The following RBFOX1 variants were observed in gnomAD, a reference collection of about 807,000 sequenced individuals.
The protein encoded by RBFOX1 is RNA binding fox-1 homolog 1.
RBFOX1 carries 8 observed loss-of-function variants against 57.7 expected under a neutral mutation model. That is an observed-to-expected ratio of 0.14 (90% CI 0.08 to 0.25). The LOEUF is 0.25. RBFOX1 is among the 10% of genes least tolerant of loss of function. The pLI, the probability that RBFOX1 is intolerant of heterozygous loss-of-function variation, is 1.00. For missense variants in RBFOX1, 611 were observed against 548.5 expected, an observed-to-expected ratio of 1.11 and a Z score of -1.14; for synonymous variants, 326 against 222.4, an observed-to-expected ratio of 1.47 and a Z score of -4.15.
intron 3 of RBFOX1, among the ~76,000 whole-genome samples, chr16:6,872,343 G>T (rs1002652778): frequency 2.6e-5 from 4 of 151,962 alleles, no homozygotes; most frequent in African/African-American, 9.7e-5. Flanking sequence ...CCTTCTCTCT[G>T]TTTCTCTCTT....
chr16:6,431,003 T>A (rs2094065511), intron 2 of RBFOX1, among the ~76,000 whole-genome samples: 1 of 150,292 alleles, frequency 6.7e-6, no homozygotes, highest in African/African-American at 2.4e-5. Flanking sequence ...CCAGGTGTGT[T>A]GCTGTGCACC....
At chr16:6,747,258 A>G (rs1255356288) in intron 3 of RBFOX1, among the ~76,000 whole-genome samples, 5 of 152,110 alleles carry the variant, frequency 3.3e-5, no homozygotes, top group African/African-American at 2.4e-5. Flanking sequence ...AAAATATACA[A>G]ATTAGCCTGG....
At chr16:7,567,815 A>G (rs139980255) in intron 5 of RBFOX1, among the ~76,000 whole-genome samples, 62 of 148,080 alleles carry the variant, frequency 4.2e-4, no homozygotes, top group South Asian at 1.5e-3. Context: ...ATCCCCATAT[A>G]TATACCTATA....
chr16:6,366,145 C>G (rs2089575240), intron 2 of RBFOX1, among the ~76,000 whole-genome samples: 1 of 149,808 alleles, frequency 6.7e-6, no homozygotes, highest in Non-Finnish European at 1.5e-5. Context: ...GTATCTATGT[C>G]TGTATCTAGA....
intron 3 of RBFOX1, among the ~76,000 whole-genome samples, chr16:6,793,517 C>T (rs377523245): frequency 3.3e-5 from 5 of 152,192 alleles, no homozygotes; most frequent in East Asian, 3.9e-4. Flanking sequence ...TGGCCATTTC[C>T]AAACATTTCT....
intron 1 of RBFOX1, among the ~76,000 whole-genome samples, chr16:5,272,295 G>A (rs1324748845): frequency 2.0e-5 from 3 of 152,132 alleles, no homozygotes; most frequent in Non-Finnish European, 2.9e-5. Flanking sequence ...ATTCCACATT[G>A]TATACAGATA....
intron 4 of RBFOX1, among the ~76,000 whole-genome samples, chr16:7,194,030 G>A (rs896317524): frequency 8.6e-5 from 13 of 152,034 alleles, no homozygotes; most frequent in Non-Finnish European, 1.6e-4. Flanking sequence ...GGATTTAGAC[G>A]GGTATACATG....
chr16:5,330,971 G>C (rs1189906332), intron 1 of RBFOX1, among the ~76,000 whole-genome samples: 1 of 79,094 alleles, frequency 1.3e-5, no homozygotes, highest in African/African-American at 3.1e-5. Context: ...CAAATACCCA[G>C]GCTCTCTGGT....
In RBFOX1 at chr16:6,807,907, TGTG is replaced by T. The variant is rs766670296; in HGVS notation, c.-16+153258_-16+153260del. ...TTGAATATATATTATTGTGTGTGTG[TGTG>T]TGTGTATATATATATAGGGTATAAT... On this transcript the variant is annotated intron_variant, in intron 3 of 15. Coordinates refer to ENST00000550418, the MANE Select transcript of RBFOX1 (RefSeq NM_018723.4). 6.3e-3 allele frequency among the ~76,000 whole-genome samples: 942 copies of T among 150,374 alleles called. 12 individuals carry two copies. Among genetic ancestry groups the T allele is most frequent in the African/African-American group, 0.021 (852 of 40,292 alleles).
At chr16:5,523,068 A>G (rs1313811970) in intron 2 of RBFOX1, among the ~76,000 whole-genome samples, 1 of 152,154 alleles carries the variant, frequency 6.6e-6, no homozygotes, top group African/African-American at 2.4e-5. Flanking sequence ...TGGGTGGATC[A>G]CAAGGTCAGG....
chr16:5,241,988 G>T (rs1049601671), intron 1 of RBFOX1, among the ~76,000 whole-genome samples: 14 of 152,050 alleles, frequency 9.2e-5, no homozygotes, highest in African/African-American at 3.4e-4. Flanking sequence ...GGTGGTGTGT[G>T]CCTGCAGTCC....
intron 3 of RBFOX1, among the ~76,000 whole-genome samples, chr16:6,963,615 A>G (rs1472143622): frequency 6.6e-6 from 1 of 152,158 alleles, no homozygotes; most frequent in Non-Finnish European, 1.5e-5. Context: ...AACTGTGGGG[A>G]TAGTAAAAAG....
chr16:7,141,436 T>C (rs1262910587), intron 4 of RBFOX1, among the ~76,000 whole-genome samples: 6 of 152,156 alleles, frequency 3.9e-5, no homozygotes, highest in Non-Finnish European at 1.5e-5. Flanking sequence ...TGATTGTTAA[T>C]CCAAGTTCTC....
At chr16:7,000,071 A>G (rs188818480) in intron 3 of RBFOX1, among the ~76,000 whole-genome samples, 1,409 of 104,682 alleles carry the variant, frequency 0.013, 9 homozygotes, top group Non-Finnish European at 0.021. Context: ...CTCTGTTTCA[A>G]AGAAAAAAAA....
intron 1 of RBFOX1, among the ~76,000 whole-genome samples, chr16:5,385,117 A>C (rs2066224427): frequency 6.6e-6 from 1 of 152,204 alleles, no homozygotes; most frequent in African/African-American, 2.4e-5. Context: ...TATTGTGGCA[A>C]ATATGTATTA....
At chr16:6,690,514 T>C (rs1311958496) in intron 3 of RBFOX1, among the ~76,000 whole-genome samples, 1 of 151,936 alleles carries the variant, frequency 6.6e-6, no homozygotes, top group African/African-American at 2.4e-5. Flanking sequence ...AAAAAAATAG[T>C]ATATAAGTAA....
intron 2 of RBFOX1, among the ~76,000 whole-genome samples, chr16:5,469,646 C>A (rs968524456): frequency 1.3e-5 from 2 of 152,116 alleles, no homozygotes; most frequent in African/African-American, 4.8e-5. Context: ...GACCCTGCGA[C>A]CATTAAGCAG....
intron 4 of RBFOX1, among the ~76,000 whole-genome samples, chr16:5,959,670 G>A (rs2059711538): frequency 6.6e-6 from 1 of 152,176 alleles, no homozygotes; most frequent in South Asian, 2.1e-4. Context: ...GTTTTCACCA[G>A]AAAACAGAAA....
chr16:5,244,651 C>G (rs190026818), intron 1 of RBFOX1, among the ~76,000 whole-genome samples: 5 of 152,372 alleles, frequency 3.3e-5, no homozygotes, highest in Non-Finnish European at 7.3e-5. Flanking sequence ...CCCGCTGGAA[C>G]GCGGTGTGTC....
Sources: gnomAD v4.1 joint callset for allele counts (sites outside exome capture counted in the v4.1 genomes callset) on GRCh38, gnomAD v4.1.1 for gene constraint, MANE v1.5 for transcripts, NCBI Gene and HGNC (gene_info 2026-07-23, HGNC 2026-07-21) for gene names.